DNAAF4: variants seen among roughly 807,000 people sequenced by gnomAD.
DNAAF4 encodes the protein dynein assembly factor 4, axonemal.
In DNAAF4, 43 loss-of-function variants were observed where a neutral mutation model predicts 51.8. The observed-to-expected ratio is 0.83, with a 90% CI of 0.65 to 1.07. The LOEUF is 1.07. Ranked by LOEUF, DNAAF4 falls within the 50% of genes least tolerant of loss-of-function variation. DNAAF4 has a pLI of 0.00. For synonymous variants in DNAAF4, 194 were observed against 165.6 expected, an observed-to-expected ratio of 1.17 and a Z score of -1.32; for missense variants, 581 against 493.0, an observed-to-expected ratio of 1.18 and a Z score of -1.69.
chr15:55,434,977 T>C lies in DNAAF4; in HGVS notation c.975A>G (p.Leu325=), dbSNP rs2057584287. 6.2e-7 allele frequency: 1 copy of C among 1,613,306 alleles called. No homozygotes were observed. The highest frequency in any genetic ancestry group is 1.1e-5 in the South Asian group (1 of 90,800). The part of the protein sequence containing the change: ...LAIRLNNKMP[L]LYLNRAACHL... ...GGCAAGCAGCCCGGTTCAAATACAA[T>C]AGTGGCATCTTATTATTTAGTCTTA... Residue 325 remains leucine, a synonymous_variant, in exon 8 of 10, where the codon CTA becomes CTG. Coordinates refer to ENST00000321149, the MANE Select transcript of DNAAF4 (RefSeq NM_130810.4).
intron 8 of DNAAF4, among the ~76,000 whole-genome samples, chr15:55,433,996 ATAT>A (rs1258380093): frequency 0.027 from 462 of 16,884 alleles, 6 homozygotes; most frequent in Middle Eastern, 0.056. Flanking sequence ...AATATATATA[ATAT>A]TATATATATT....
chr15:55,480,338 G>A (rs1041775315), intron 4 of DNAAF4, among the ~76,000 whole-genome samples: 4 of 151,992 alleles, frequency 2.6e-5, no homozygotes, highest in Admixed American at 2.0e-4. Context: ...GGGATCCCCC[G>A]ATACCCAAGG....
Position 55,466,718 on chromosome 15 carries a change from G to A in DNAAF4, c.637+212C>T, listed in dbSNP as rs147123658. ...AAGCAAAGAAGACACTCTTCTTTTC[G>A]AATCCTTGAACGAATCCTTGCTCAT... On this transcript the variant is annotated intron_variant, in intron 5 of 9. Coordinates refer to ENST00000321149, the MANE Select transcript of DNAAF4 (RefSeq NM_130810.4). Among the ~76,000 whole-genome samples, 624 of 152,180 alleles carry A rather than the reference G, an allele frequency of 4.1e-3. 6 individuals carry two copies. The highest frequency in any genetic ancestry group is 0.014 in the African/African-American group (586 of 41,526).
chr15:55,491,035 C>G, intron 4 of DNAAF4, 88 bp downstream of exon 4: 1 of 1,488,760 alleles, frequency 6.7e-7, no homozygotes, highest in Non-Finnish European at 9.2e-7. Flanking sequence ...GAAGAAAATG[C>G]TGAGGAAGTC....
rs1335438114 is a variant in DNAAF4 at position 55,495,232 on chromosome 15, A to AT, written c.271+2479dup. On this transcript the variant is annotated intron_variant, in intron 3 of 9. Transcript: ENST00000321149. ...AAAAAAAAAAAAAAAAAAAAAAAAA[A>AT]TTAAGTAAACTGGCTATGTTAACCT... The AT allele has an allele frequency of 4.1e-5, 6 of 146,416 alleles. 1 individual carries two copies. The highest frequency in any genetic ancestry group is 4.4e-4 in the South Asian group (2 of 4,566). 9.1% of individuals were successfully genotyped at this position (146,416 alleles called of 1,614,324 possible).
intron 1 of DNAAF4, among the ~76,000 whole-genome samples, chr15:55,500,657 T>A (rs956669508): frequency 6.6e-6 from 1 of 152,118 alleles, no homozygotes; most frequent in African/African-American, 2.4e-5. Flanking sequence ...ACTACCATGA[T>A]CCTACTAAAC....
intron 5 of DNAAF4, 77 bp from the exon 6 acceptor site, chr15:55,450,444 C>T (rs2057914945): frequency 7.0e-7 from 1 of 1,438,072 alleles, no homozygotes. Flanking sequence ...AGTAATTACA[C>T]ATCAAAGCTC....
rs575336357 is a variant in DNAAF4 at position 55,492,482 on chromosome 15, G to A, written c.272-1226C>T. Among the ~76,000 whole-genome samples, 16 of 151,966 alleles carry A rather than the reference G, an allele frequency of 1.1e-4. No individual in the cohort carries two copies. In the South Asian group the frequency reaches 2.9e-3, roughly 28 times the overall value. ...AAAATGTATGAAATAAAATATACAG[G>A]TCTACAAAGAAACTCAGTTATATCA... On this transcript the variant is annotated intron_variant, in intron 3 of 9. Coordinates refer to ENST00000321149, the MANE Select transcript of DNAAF4 (RefSeq NM_130810.4).
At chr15:55,463,212 A>ACACAC (rs55837637) in intron 5 of DNAAF4, among the ~76,000 whole-genome samples, 24 of 151,410 alleles carry the variant, frequency 1.6e-4, no homozygotes, top group Middle Eastern at 3.4e-3. Flanking sequence ...ACACACACAC[A>ACACAC]AAGCATTTGA....
chr15:55,418,773 A>G, intron 7 of DNAAF4: 3 of 465,146 alleles, frequency 6.4e-6, no homozygotes, highest in Non-Finnish European at 7.4e-6. Context: ...AAAGGTAGAA[A>G]GTGTTTTAGT....
chr15:55,443,189 C>A, intron 6 of DNAAF4: 1 of 1,610,110 alleles, frequency 6.2e-7, no homozygotes, highest in Admixed American at 1.7e-5. Context: ...AGTCTTAGGT[C>A]CTTGTTCCAG....
chr15:55,489,163 G>C lies in DNAAF4; in HGVS notation c.405+1960C>G, dbSNP rs570008229. Among the ~76,000 whole-genome samples, 4 of 151,210 alleles carry C rather than the reference G, an allele frequency of 2.6e-5. No individual in the cohort carries two copies. The East Asian group carries it at 5.8e-4, about 22-fold the overall frequency. The stretch of plus-strand genomic sequence containing the variant: ...TCCTGCTGGTCAACTGTTCTGTTTT[G>C]ACATACCAATACAGCAGTAAGTGTG... On this transcript the variant is annotated intron_variant, in intron 4 of 9. Coordinates refer to ENST00000321149, the MANE Select transcript of DNAAF4 (RefSeq NM_130810.4).
intron 5 of DNAAF4, among the ~76,000 whole-genome samples, chr15:55,460,154 AATTT>A (rs201602662): frequency 4.6e-5 from 7 of 151,136 alleles, no homozygotes; most frequent in African/African-American, 1.5e-4. Flanking sequence ...AGAACTCTCA[AATTT>A]ATTTATTTAT....
At chr15:55,442,376 C>T (rs983175650) in intron 6 of DNAAF4, among the ~76,000 whole-genome samples, 1 of 152,142 alleles carries the variant, frequency 6.6e-6, no homozygotes, top group African/African-American at 2.4e-5. Flanking sequence ...GCCTTGGCCT[C>T]CTAAAGTGCT....
rs539163233 is a variant in DNAAF4, at chr15:55,486,718, A to G, written c.405+4405T>C. On this transcript the variant is annotated intron_variant, in intron 4 of 9. Coordinates refer to ENST00000321149, the MANE Select transcript of DNAAF4 (RefSeq NM_130810.4). ...AGGATCTCTCGAACCTGCGAGGTCA[A>G]TGTAGTGAGCTGTAATTGCGCCATT... is the stretch of plus-strand genomic sequence containing the variant. Among the ~76,000 whole-genome samples the G allele has an allele frequency of 8.9e-4, 136 of 152,034 alleles. 1 individual carries two copies. Among genetic ancestry groups the G allele is most frequent in the Non-Finnish European group, 1.5e-3 (104 of 67,982 alleles).
rs1287244315 is a variant in DNAAF4 at position 55,450,349 on chromosome 15, A to C, written c.656T>G (p.Ile219Arg). 1.2e-5 allele frequency: 19 copies of C among 1,610,166 alleles called. No homozygotes were observed. The East Asian group carries it at 4.2e-4, about 36-fold the overall frequency. Residue 219 changes from isoleucine (I) to arginine (R), a missense_variant, in exon 6 of 10, where the codon ATA becomes AGA. Physicochemically the swap from Ile to Arg is moderately conservative, Grantham distance 97. Transcript: ENST00000321149. Reference sequence around the variant, plus strand: ...GTCTTCCTTTAACTTCTCAGTAAATATATTTTCTGAATTTCTCCCTTCAAA... The same window carrying C: ...GTCTTCCTTTAACTTCTCAGTAAATCTATTTTCTGAATTTCTCCCTTCAAA... ...LAPKGRNSENIFTEKLKEDSI... is the reference protein window; with the variant it reads ...LAPKGRNSENRFTEKLKEDSI...
chr15:55,426,176 T>C (rs2057429323), downstream of DNAAF4, among the ~76,000 whole-genome samples: 2 of 152,126 alleles, frequency 1.3e-5, no homozygotes. Flanking sequence ...AGCCAGTTTA[T>C]TGAGCTAGGT....
At chr15:55,471,286 G>T (rs904118564) in intron 4 of DNAAF4, among the ~76,000 whole-genome samples, 1 of 152,126 alleles carries the variant, frequency 6.6e-6, no homozygotes, top group Non-Finnish European at 1.5e-5. Flanking sequence ...CCCATCAAGA[G>T]TTGCCTCATT....
At chr15:55,500,785 G>C (rs565267925) in intron 1 of DNAAF4, among the ~76,000 whole-genome samples, 1 of 152,092 alleles carries the variant, frequency 6.6e-6, no homozygotes, top group Admixed American at 6.5e-5. Flanking sequence ...CTGAGGTTGG[G>C]AGTTCAAGAC....
Sources: gnomAD v4.1 joint callset for allele counts (sites outside exome capture counted in the v4.1 genomes callset) on GRCh38, gnomAD v4.1.1 for gene constraint, MANE v1.5 for transcripts, NCBI Gene and HGNC (gene_info 2026-07-23, HGNC 2026-07-21) for gene names.